Variants in SRCAP observed in about 807,000 individuals in gnomAD.
SRCAP encodes chromatin remodeling protein SRCAP.
A neutral mutation model predicts 263.1 loss-of-function variants in SRCAP; 46 were observed. That is an observed-to-expected ratio of 0.17 (90% CI 0.14 to 0.22). SRCAP has a LOEUF of 0.22. Ranked by LOEUF, SRCAP falls within the 10% of genes least tolerant of loss-of-function variation. The pLI is 1.00. For missense variants in SRCAP, 3,695 were observed against 4,181.9 expected, an observed-to-expected ratio of 0.88 and a Z score of 3.21; for synonymous variants, 1,813 against 1,662.1, an observed-to-expected ratio of 1.09 and a Z score of -2.21.
chr16:30,728,733 T>G (rs1341059791), intron 25 of SRCAP, among the ~76,000 whole-genome samples: 1 of 152,212 alleles, frequency 6.6e-6, no homozygotes, highest in African/African-American at 2.4e-5. Flanking sequence ...AGGAGAGAAG[T>G]TACTTAACAT....
At chr16:30,719,216 ATTTTTAT>A in intron 18 of SRCAP, among the ~76,000 whole-genome samples, 1 of 22,258 alleles carries the variant, frequency 4.5e-5, no homozygotes, top group Non-Finnish European at 1.0e-4. Flanking sequence ...TTATTTATTT[ATTTTTAT>A]TTTTTTTTTT....
chr16:30,716,237 A>G, intron 17 of SRCAP, 35 bp downstream of exon 17: 1 of 1,613,488 alleles, frequency 6.2e-7, no homozygotes. Context: ...CTGGGACTCG[A>G]GATTGGAGTG....
At chr16:30,713,113 A>G (rs2052910292) in intron 14 of SRCAP, 95 bp from the exon 15 acceptor site, 9 of 1,356,840 alleles carry the variant, frequency 6.6e-6, no homozygotes, top group African/African-American at 5.8e-5. Flanking sequence ...TTTTCTTCCA[A>G]CCTGATTACT....
chr16:30,722,865 A>G (rs1313322628), intron 23 of SRCAP, 98 bp from the exon 24 acceptor site: 3 of 1,547,768 alleles, frequency 1.9e-6, no homozygotes, highest in Non-Finnish European at 2.6e-6. Flanking sequence ...AATATCTATG[A>G]TACCTGTCTG....
chr16:30,735,340 G>C (rs535329763), intron 31 of SRCAP, among the ~76,000 whole-genome samples: 335 of 150,652 alleles, frequency 2.2e-3, no homozygotes, highest in Non-Finnish European at 4.0e-3. Context: ...TAGAGACAGG[G>C]TTTCACCGTT....
chr16:30,711,545 C>A, intron 10 of SRCAP, 26 bp from the exon 11 acceptor site: 2 of 1,561,828 alleles, frequency 1.3e-6, no homozygotes, highest in Admixed American at 2.0e-5. Flanking sequence ...CTCAGAGCAA[C>A]CAAAAGCTTT....
Position 30,729,417 on chromosome 16 carries a change from A to C in SRCAP, c.5972A>C (p.His1991Pro). 6.2e-7 allele frequency: 1 copy of C among 1,614,046 alleles called. No homozygotes were observed. The highest frequency in any genetic ancestry group is 8.5e-7 in the Non-Finnish European group (1 of 1,180,008). Residue 1991 changes from histidine to proline, a missense_variant, in exon 27 of 34, where the codon CAT becomes CCT. Around this residue, in one of 12 missense-constraint regions of SRCAP, gnomAD observed 1,347 missense variants for 1,304.4 expected, o/e 1.03. Transcript: ENST00000262518. ...PPVEAPPPSL[H>P]ACHPPPWLAP... ...GTGGAGGCACCTCCCCCTTCCCTGCATGCCTGCCACCCACCTCCTTGGCTG... is the reference window on the plus strand; with the variant it reads ...GTGGAGGCACCTCCCCCTTCCCTGCCTGCCTGCCACCCACCTCCTTGGCTG...
At chr16:30,730,757 G>A (rs926557850) in intron 27 of SRCAP, among the ~76,000 whole-genome samples, 2 of 133,088 alleles carry the variant, frequency 1.5e-5, no homozygotes, top group African/African-American at 5.9e-5. Context: ...ATGGAGTTTC[G>A]CTGTGTTTCA....
At chr16:30,718,428 C>T (rs916769715) in intron 18 of SRCAP, among the ~76,000 whole-genome samples, 5 of 150,440 alleles carry the variant, frequency 3.3e-5, no homozygotes, top group African/African-American at 4.9e-5. Flanking sequence ...CTGTCCACCT[C>T]GGCCTCCCAA....
At chr16:30,703,450 TC>T (rs1423449582) in intron 3 of SRCAP, among the ~76,000 whole-genome samples, 4 of 150,520 alleles carry the variant, frequency 2.7e-5, no homozygotes, top group Admixed American at 2.6e-4. Context: ...CACCTTAGCC[TC>T]CCAAAGTGCT....
chr16:30,734,267 T>A lies in SRCAP; in HGVS notation c.6610-229T>A, dbSNP rs1414114164. 4.7e-6 allele frequency: 3 copies of A among 643,560 alleles called. No individual in the cohort carries two copies. The African/African-American group carries it at 5.5e-5, about 12-fold the overall frequency. The allele number at this position is 643,560 out of a possible 1,614,324, so 39.9% of individuals were successfully genotyped here. A position where few individuals can be genotyped will look rare whatever the true frequency, so the allele number is the denominator to read the frequency against. ...CTGAGGCAGGAGAATCACTTGAACC[T>A]AAGAGGCGGAGGTTGCAGTGAGTTG... is the stretch of plus-strand genomic sequence containing the variant. On this transcript the variant is annotated intron_variant, in intron 30 of 33. Transcript: ENST00000262518.
chr16:30,733,975 G>A lies in SRCAP; in HGVS notation c.6576G>A (p.Glu2192=), dbSNP rs886044120. The A allele has an allele frequency of 1.4e-5, 23 of 1,612,562 alleles. No homozygotes were observed. The highest frequency in any genetic ancestry group is 2.0e-5 in the Non-Finnish European group (23 of 1,179,236). The part of the protein sequence containing the change: ...QKRMLGDMAI[E]GGNFTTAYFK... ...GAATGTTGGGGGACATGGCCATTGA[G>A]GGAGGCAACTTCACCACAGCCTATT... Residue 2192 remains glutamate, a synonymous_variant, in exon 30 of 34, where the codon GAG becomes GAA. Coordinates refer to ENST00000262518, the MANE Select transcript of SRCAP (RefSeq NM_006662.3). This position sits in a 1 kb window ranked among gnomAD's most constrained non-coding sequence, Gnocchi z 5.3.
At chr16:30,700,971 A>G (rs1596637689) in intron 3 of SRCAP, 93 bp downstream of exon 3, 3 of 1,372,174 alleles carry the variant, frequency 2.2e-6, no homozygotes, top group East Asian at 2.3e-5. Flanking sequence ...ATTTGTGGAG[A>G]GTTTTGGAGA....
At chr16:30,712,610 G>A in intron 13 of SRCAP, 69 bp from the exon 14 acceptor site, 1 of 1,606,732 alleles carries the variant, frequency 6.2e-7, no homozygotes, top group Non-Finnish European at 8.5e-7. Flanking sequence ...GGTGGCCAGG[G>A]TTATAACTGA....
chr16:30,717,064 C>G (rs2052957922), intron 18 of SRCAP, among the ~76,000 whole-genome samples: 3 of 152,192 alleles, frequency 2.0e-5, no homozygotes, highest in African/African-American at 7.2e-5. Flanking sequence ...CATTTCCACC[C>G]TAGCAGGGCA....
rs570856988 is a variant in SRCAP at position 30,728,304 on chromosome 16, T to C, written c.5659-662T>C. The stretch of plus-strand genomic sequence containing the variant: ...GGGCCTACCGTGTAGTGGATAGATA[T>C]TAGTTAAATAATCATACAGATGTGT... On this transcript the variant is annotated intron_variant, in intron 25 of 33. Coordinates refer to ENST00000262518, the MANE Select transcript of SRCAP (RefSeq NM_006662.3). Among the ~76,000 whole-genome samples, 13 of 152,322 alleles carry C rather than the reference T, an allele frequency of 8.5e-5. No homozygotes were observed. In the South Asian group the frequency reaches 2.1e-3, roughly 24 times the overall value.
At chr16:30,712,511 AGCTTCATTGACTTTT>A (rs2151288753) in intron 13 of SRCAP, 72 bp downstream of exon 13, 1 of 1,521,102 alleles carries the variant, frequency 6.6e-7, no homozygotes, top group East Asian at 2.3e-5. Context: ...TGATGACTCC[AGCTTCATTGACTTTT>A]GCTTTATTGA....
At chr16:30,723,379 C>G in intron 24 of SRCAP, 150 bp downstream of exon 24, 1 of 1,429,324 alleles carries the variant, frequency 7.0e-7, no homozygotes, top group African/African-American at 1.4e-5. Flanking sequence ...TGCCTGAGCC[C>G]TGACCTAATT....
At position 30,727,784 on chromosome 16, in the gene SRCAP, G is replaced by GC. The variant is rs535191587; in HGVS notation, c.5659-1181dup. Among the ~76,000 whole-genome samples, 289 of 152,040 alleles carry GC rather than the reference G, an allele frequency of 1.9e-3. 1 individual carries two copies. The highest frequency in any genetic ancestry group is 6.2e-3 in the African/African-American group (258 of 41,438). ...GGCCAGGATGGTCTTGATATCTTGA[G>GC]CTCATGATCTGCCCGCCTCGGCCTC... On this transcript the variant is annotated intron_variant, in intron 25 of 33. Transcript: ENST00000262518.
Sources: gnomAD v4.1 joint callset for allele counts (sites outside exome capture counted in the v4.1 genomes callset) on GRCh38, gnomAD v4.1.1 for gene constraint, gnomAD v4.1.1 regional missense constraint, Gnocchi (gnomAD v3.1) non-coding constraint, MANE v1.5 for transcripts, NCBI Gene and HGNC (gene_info 2026-07-23, HGNC 2026-07-21) for gene names.